PLEKHA7: variants seen among roughly 807,000 people sequenced by gnomAD.
PLEKHA7 encodes pleckstrin homology domain-containing family A member 7.
Under a neutral mutation model 170.0 loss-of-function variants are expected in PLEKHA7, and 104 were observed. The observed-to-expected ratio is 0.61, with a 90% CI of 0.52 to 0.72. PLEKHA7 has a LOEUF of 0.72. Among genes scored for constraint, PLEKHA7 ranks in the 30% least tolerant of loss-of-function variants. The pLI, the probability that PLEKHA7 is intolerant of heterozygous loss-of-function variation, is 0.00. For missense variants in PLEKHA7, 1,615 were observed against 1,671.7 expected (o/e 0.97, Z 0.59); for synonymous variants, 648 against 660.8 (o/e 0.98, Z 0.30).
At chr11:16,922,158 G>GCCTCTA (rs1859141905) in intron 3 of PLEKHA7, among the ~76,000 whole-genome samples, 1 of 117,638 alleles carries the variant, frequency 8.5e-6, no homozygotes, top group Non-Finnish European at 1.8e-5. Flanking sequence ...TATGGCCTCT[G>GCCTCTA]GTAGCAGCAC....
intron 3 of PLEKHA7, among the ~76,000 whole-genome samples, chr11:16,959,290 A>G (rs541604161): frequency 7.9e-5 from 12 of 152,022 alleles, no homozygotes; most frequent in African/African-American, 2.9e-4. Context: ...AGTTCCCATC[A>G]TTGAGCTCCC....
chr11:16,840,941 T>A (rs138254249), intron 9 of PLEKHA7, among the ~76,000 whole-genome samples: 259 of 152,198 alleles, frequency 1.7e-3, no homozygotes, highest in Non-Finnish European at 2.9e-3. Flanking sequence ...TGAGGCCTCA[T>A]TGAAAGAACA....
chr11:16,926,726 G>A (rs1373335694), intron 3 of PLEKHA7, among the ~76,000 whole-genome samples: 2 of 152,194 alleles, frequency 1.3e-5, no homozygotes, highest in Admixed American at 6.5e-5. Context: ...ATTCACAGGT[G>A]GAGATGATTA....
intron 3 of PLEKHA7, among the ~76,000 whole-genome samples, chr11:16,965,007 A>T (rs1190061872): frequency 3.4e-3 from 21 of 6,252 alleles, no homozygotes; most frequent in Admixed American, 0.023. Context: ...CATGATTTAA[A>T]AAAAAAAAAA....
At chr11:16,793,535 C>G (rs1460160423) in intron 19 of PLEKHA7, among the ~76,000 whole-genome samples, 1 of 152,238 alleles carries the variant, frequency 6.6e-6, no homozygotes, top group Non-Finnish European at 1.5e-5. Flanking sequence ...CATCAGAGGT[C>G]CAGGCACACA....
intron 8 of PLEKHA7, among the ~76,000 whole-genome samples, chr11:16,848,289 T>C (rs1361499473): frequency 6.6e-6 from 1 of 152,242 alleles, no homozygotes; most frequent in Non-Finnish European, 1.5e-5. Context: ...CTAGCGTCTG[T>C]TATACTACCC....
chr11:16,948,505 G>T (rs1233380118), intron 3 of PLEKHA7, among the ~76,000 whole-genome samples: 1 of 152,068 alleles, frequency 6.6e-6, no homozygotes, highest in Non-Finnish European at 1.5e-5. Context: ...ACATCAGGAA[G>T]GTAAGGCCAT....
intron 3 of PLEKHA7, among the ~76,000 whole-genome samples, chr11:16,971,755 T>C (rs987907727): frequency 6.6e-6 from 1 of 152,144 alleles, no homozygotes; most frequent in Non-Finnish European, 1.5e-5. Flanking sequence ...TTTTTAAATA[T>C]CTTTTTTTAT....
intron 3 of PLEKHA7, among the ~76,000 whole-genome samples, chr11:16,932,046 C>A (rs1163757167): frequency 6.6e-6 from 1 of 152,086 alleles, no homozygotes. Context: ...AGTGTTATCA[C>A]CTATAAACTC....
chr11:16,837,227 A>C (rs1851586232), intron 9 of PLEKHA7, among the ~76,000 whole-genome samples: 1 of 152,172 alleles, frequency 6.6e-6, no homozygotes, highest in South Asian at 2.1e-4. Flanking sequence ...TGTCAGAGAA[A>C]AACTAGGGAT....
chr11:16,827,029 A>G (rs1294958259), intron 9 of PLEKHA7, among the ~76,000 whole-genome samples: 1 of 152,194 alleles, frequency 6.6e-6, no homozygotes, highest in Non-Finnish European at 1.5e-5. Flanking sequence ...TACATGTGAC[A>G]TTCCCATGAA....
intron 8 of PLEKHA7, among the ~76,000 whole-genome samples, chr11:16,846,716 C>T (rs1852437287): frequency 2.0e-5 from 3 of 152,146 alleles, no homozygotes; most frequent in African/African-American, 7.2e-5. Flanking sequence ...TTCTTCCTCC[C>T]TCCCCATCAC....
Position 17,003,364 on chromosome 11 carries a change from G to A in PLEKHA7, c.221+10625C>T, listed in dbSNP as rs192766108. 7.1e-4 allele frequency among the ~76,000 whole-genome samples: 108 copies of A among 152,226 alleles called. 1 individual carries two copies. The Middle Eastern group carries it at 0.017, about 24-fold the overall frequency. Reference sequence around the variant, plus strand: ...CTACAGTTTGCATGCCCCTGACTCCGGCAATCCTAGTTCAAGGGCACCAGA... The same window carrying A: ...CTACAGTTTGCATGCCCCTGACTCCAGCAATCCTAGTTCAAGGGCACCAGA... On this transcript the variant is annotated intron_variant, in intron 3 of 26. Coordinates refer to ENST00000531066, the MANE Select transcript of PLEKHA7 (RefSeq NM_001329630.2).
chr11:16,779,985 G>T (rs1005527901), intron 26 of PLEKHA7, among the ~76,000 whole-genome samples: 3 of 147,770 alleles, frequency 2.0e-5, no homozygotes, highest in Admixed American at 6.7e-5. Flanking sequence ...CGGGGAGGGG[G>T]GGGGGAATAT....
intron 6 of PLEKHA7, among the ~76,000 whole-genome samples, chr11:16,853,643 C>T (rs1178568544): frequency 6.6e-6 from 1 of 152,212 alleles, no homozygotes; most frequent in Non-Finnish European, 1.5e-5. Flanking sequence ...GTCAAAGGGG[C>T]ATCCTTTGTT....
intron 13 of PLEKHA7, chr11:16,807,093 C>A: frequency 2.2e-6 from 2 of 891,980 alleles, no homozygotes; most frequent in Non-Finnish European, 2.7e-6. Flanking sequence ...CGGCACCGAG[C>A]CAGAAGCAAT....
At chr11:16,860,751 CT>C (rs1853879764) in intron 4 of PLEKHA7, among the ~76,000 whole-genome samples, 1 of 152,142 alleles carries the variant, frequency 6.6e-6, no homozygotes, top group Non-Finnish European at 1.5e-5. Flanking sequence ...CAGGCTTTTG[CT>C]CTTTTCAGCC....
At position 16,778,720 on chromosome 11, in the gene PLEKHA7, A is replaced by C. The variant is rs1223187037; in HGVS notation, c.*278T>G. On this transcript the variant is annotated 3_prime_UTR_variant, in exon 27 of 27. Coordinates refer to ENST00000531066, the MANE Select transcript of PLEKHA7 (RefSeq NM_001329630.2). ...TCCTGCCACTCAGCCCTTGAGGGGA[A>C]CATTAGAAAATAGATTCCGATTCTA... is the stretch of plus-strand genomic sequence containing the variant. 2 of 505,976 alleles carry C rather than the reference A, an allele frequency of 4.0e-6. No individual in the cohort carries two copies. The allele number at this position is 505,976 out of a possible 1,614,324, so 31.3% of individuals were successfully genotyped here. A position where few individuals can be genotyped will look rare whatever the true frequency, so the allele number is the denominator to read the frequency against.
In PLEKHA7 at chr11:16,778,462, A is replaced by G. The variant is rs1428994747; in HGVS notation, c.*536T>C. 1 of 162,162 alleles carries G rather than the reference A, an allele frequency of 6.2e-6. No homozygotes were observed. The highest frequency in any genetic ancestry group is 2.4e-5 in the African/African-American group (1 of 41,614). 10.0% of individuals were successfully genotyped at this position (162,162 alleles called of 1,614,324 possible). On this transcript the variant is annotated 3_prime_UTR_variant, in exon 27 of 27. Coordinates refer to ENST00000531066, the MANE Select transcript of PLEKHA7 (RefSeq NM_001329630.2). ...GGAGTTTCACACAGAGCTGGTCATC[A>G]GGTCAGGGACAGCTGATCTCTGCAG...
Sources: gnomAD v4.1 joint callset for allele counts (sites outside exome capture counted in the v4.1 genomes callset) on GRCh38, gnomAD v4.1.1 for gene constraint, MANE v1.5 for transcripts, NCBI Gene and HGNC (gene_info 2026-07-23, HGNC 2026-07-21) for gene names.